Variants in IQCK observed in about 807,000 individuals in gnomAD.
IQCK encodes IQ domain-containing protein K.
A neutral mutation model predicts 28.1 loss-of-function variants in IQCK; 29 were observed. The ratio of observed to expected loss-of-function variants is 1.03; its 90% CI spans 0.77 to 1.41. The LOEUF is 1.41. IQCK is among the 40% of genes most tolerant of loss of function. The pLI, the probability that IQCK is intolerant of heterozygous loss-of-function variation, is 0.00. For missense variants in IQCK, 359 were observed against 314.7 expected (o/e 1.14, Z -1.07); for synonymous variants, 113 against 115.1 (o/e 0.98, Z 0.12).
chr16:19,777,848 C>T (rs1018065100), intron 6 of IQCK, among the ~76,000 whole-genome samples: 1 of 152,008 alleles, frequency 6.6e-6, no homozygotes, highest in Non-Finnish European at 1.5e-5. Context: ...GTCAGGAGTT[C>T]GAGAGCAGTC....
chr16:19,831,951 C>G (rs112212319), downstream of IQCK, among the ~76,000 whole-genome samples: 1,256 of 152,196 alleles, frequency 8.3e-3, 19 homozygotes, highest in African/African-American at 0.029. Flanking sequence ...ATCTTCAAGT[C>G]TCTATCCATC....
intron 1 of IQCK, among the ~76,000 whole-genome samples, chr16:19,722,609 T>C (rs1431466856): frequency 6.6e-6 from 1 of 152,212 alleles, no homozygotes; most frequent in Admixed American, 6.5e-5. Context: ...GGAACTGTTT[T>C]CAATGCTGGG....
chr16:19,756,661 C>T lies in IQCK; in HGVS notation c.475-7187C>T, dbSNP rs982030816. The stretch of plus-strand genomic sequence containing the variant: ...CAGCACTTTGGGAGGCCGAGGCCAG[C>T]GGATCATGAGGTCAGGAGATGGTCA... On this transcript the variant is annotated intron_variant, in intron 4 of 7. Transcript: ENST00000564186. Among the ~76,000 whole-genome samples, 20 of 151,874 alleles carry T rather than the reference C, an allele frequency of 1.3e-4. 1 individual carries two copies. Among genetic ancestry groups the T allele is most frequent in the East Asian group, 1.9e-4 (1 of 5,166 alleles).
At chr16:19,775,346 T>G (rs2055376680) in intron 6 of IQCK, among the ~76,000 whole-genome samples, 1 of 152,182 alleles carries the variant, frequency 6.6e-6, no homozygotes. Flanking sequence ...GTTTTCAATT[T>G]TGGGTACCCC....
At chr16:19,732,517 C>T (rs982332834) in intron 2 of IQCK, among the ~76,000 whole-genome samples, 2 of 152,194 alleles carry the variant, frequency 1.3e-5, no homozygotes, top group African/African-American at 4.8e-5. Context: ...CAGGGTCTTA[C>T]TCTGTCATCA....
At chr16:19,802,615 A>G (rs1440197038) in intron 7 of IQCK, among the ~76,000 whole-genome samples, 1 of 145,796 alleles carries the variant, frequency 6.9e-6, no homozygotes, top group Admixed American at 7.0e-5. Context: ...GGTTCTTTTT[A>G]AAAAGCCAAC....
chr16:19,765,099 G>A (rs1281056164), intron 6 of IQCK, among the ~76,000 whole-genome samples: 3 of 147,288 alleles, frequency 2.0e-5, no homozygotes, highest in African/African-American at 2.5e-5. Flanking sequence ...GCGGGCGCCT[G>A]TAGTCCCAGC....
chr16:19,835,646 A>G (rs573578501), intron 9 of IQCK, among the ~76,000 whole-genome samples: 16 of 148,358 alleles, frequency 1.1e-4, no homozygotes, highest in African/African-American at 3.5e-4. Flanking sequence ...GTGCAGTGGC[A>G]CAGTCTTGGG....
At chr16:19,823,938 ATAAAT>A (rs780656993) in intron 7 of IQCK, among the ~76,000 whole-genome samples, 1 of 149,816 alleles carries the variant, frequency 6.7e-6, no homozygotes, top group African/African-American at 2.5e-5. Context: ...CTCTTAAAAA[ATAAAT>A]AAATAAATAA....
intron 7 of IQCK, among the ~76,000 whole-genome samples, chr16:19,813,926 A>G (rs1157160169): frequency 6.6e-6 from 1 of 152,242 alleles, no homozygotes; most frequent in African/African-American, 2.4e-5. Flanking sequence ...CACATTAAAG[A>G]AAACAATTAG....
chr16:19,738,875 A>G (rs1019188189), intron 4 of IQCK, among the ~76,000 whole-genome samples: 2 of 152,138 alleles, frequency 1.3e-5, no homozygotes, highest in Admixed American at 1.3e-4. Context: ...GTGATCTCGC[A>G]AGGAGGGTTT....
intron 6 of IQCK, among the ~76,000 whole-genome samples, chr16:19,786,290 A>G (rs1423675780): frequency 6.6e-6 from 1 of 152,088 alleles, no homozygotes; most frequent in Non-Finnish European, 1.5e-5. Context: ...CGGGTGGCTC[A>G]TGCCTGTAAT....
chr16:19,722,667 A>G (rs1367123752), intron 1 of IQCK, among the ~76,000 whole-genome samples: 2 of 150,918 alleles, frequency 1.3e-5, no homozygotes, highest in Non-Finnish European at 2.9e-5. Flanking sequence ...ACTTATCTCC[A>G]TCTCCACGAA....
intron 4 of IQCK, among the ~76,000 whole-genome samples, chr16:19,749,041 C>G (rs1368994033): frequency 6.6e-6 from 1 of 152,142 alleles, no homozygotes; most frequent in Non-Finnish European, 1.5e-5. Flanking sequence ...ATCATTGACT[C>G]TCTTGGTTGT....
intron 7 of IQCK, among the ~76,000 whole-genome samples, chr16:19,815,352 CA>C (rs1654905338): frequency 6.6e-6 from 1 of 152,072 alleles, no homozygotes; most frequent in Non-Finnish European, 1.5e-5. Context: ...ACAGCTTTTA[CA>C]AATTAGATCC....
intron 9 of IQCK, among the ~76,000 whole-genome samples, chr16:19,847,464 C>T (rs1383438324): frequency 6.6e-6 from 1 of 152,232 alleles, no homozygotes; most frequent in African/African-American, 2.4e-5. Flanking sequence ...GGCCCCCAGC[C>T]AGCTCCCTCA....
At chr16:19,836,013 T>C (rs2056292232) in intron 9 of IQCK, among the ~76,000 whole-genome samples, 1 of 152,236 alleles carries the variant, frequency 6.6e-6, no homozygotes, top group Non-Finnish European at 1.5e-5. Flanking sequence ...TTATACTTAA[T>C]GCTACCAACC....
chr16:19,812,250 G>A (rs1268558145), intron 7 of IQCK, among the ~76,000 whole-genome samples: 4 of 152,206 alleles, frequency 2.6e-5, no homozygotes, highest in African/African-American at 9.6e-5. Flanking sequence ...GCCTCCCAAA[G>A]TGCTGGAATT....
At chr16:19,775,799 G>C (rs1567552700) in intron 6 of IQCK, among the ~76,000 whole-genome samples, 1 of 151,352 alleles carries the variant, frequency 6.6e-6, no homozygotes, top group Non-Finnish European at 1.5e-5. Flanking sequence ...AGTTGCGGGG[G>C]AGGCAGGGAT....
Sources: gnomAD v4.1 joint callset for allele counts (sites outside exome capture counted in the v4.1 genomes callset) on GRCh38, gnomAD v4.1.1 for gene constraint, MANE v1.5 for transcripts, NCBI Gene and HGNC (gene_info 2026-07-23, HGNC 2026-07-21) for gene names.